STON2: variants seen among roughly 807,000 people sequenced by gnomAD.
STON2 encodes the protein stonin 2.
A neutral mutation model predicts 65.7 loss-of-function variants in STON2; 29 were observed. The observed-to-expected ratio is 0.44, with a 90% CI of 0.33 to 0.60. STON2 has a LOEUF of 0.60. Among genes scored for constraint, STON2 ranks in the 20% least tolerant of loss-of-function variants. The pLI is 0.03. For missense variants in STON2, 1,054 were observed against 1,118.1 expected, an observed-to-expected ratio of 0.94 and a Z score of 0.82; for synonymous variants, 404 against 414.2, an observed-to-expected ratio of 0.98 and a Z score of 0.30.
intron 2 of STON2, among the ~76,000 whole-genome samples, chr14:81,411,144 C>T (rs960661332): frequency 6.6e-5 from 10 of 152,124 alleles, no homozygotes; most frequent in Admixed American, 2.0e-4. Context: ...GGGGTATGTT[C>T]CCTTTCAACA....
chr14:81,304,433 G>A (rs1290306791), intron 5 of STON2, among the ~76,000 whole-genome samples: 2 of 152,118 alleles, frequency 1.3e-5, no homozygotes, highest in African/African-American at 4.8e-5. Context: ...TGTTAGAGAT[G>A]GAATCAGGGC....
intron 4 of STON2, among the ~76,000 whole-genome samples, chr14:81,324,908 G>T (rs1896953727): frequency 6.6e-6 from 1 of 152,192 alleles, no homozygotes; most frequent in African/African-American, 2.4e-5. Flanking sequence ...ATGGAGCGGA[G>T]GGCGACGGAA....
In STON2 at chr14:81,435,057, T is replaced by C. The variant is rs1483058476; in HGVS notation, c.-310+1264A>G. Among the ~76,000 whole-genome samples, 7 of 152,178 alleles carry C rather than the reference T, an allele frequency of 4.6e-5. No homozygotes were observed. The East Asian group carries it at 5.8e-4, about 13-fold the overall frequency. On this transcript the variant is annotated intron_variant, in intron 1 of 8. Transcript: ENST00000553821. ...TCAAATACTTCCCCCAAATCAGCCA[T>C]GCTACTGAAAGGTGAACACTTAACA...
chr14:81,329,711 C>T (rs1897138317), intron 4 of STON2, among the ~76,000 whole-genome samples: 1 of 152,140 alleles, frequency 6.6e-6, no homozygotes, highest in East Asian at 1.9e-4. Flanking sequence ...ATACAGTGAA[C>T]TCAGACCAAA....
At chr14:81,291,355 A>G (rs902195944) in intron 5 of STON2, among the ~76,000 whole-genome samples, 1 of 152,214 alleles carries the variant, frequency 6.6e-6, no homozygotes, top group Non-Finnish European at 1.5e-5. Context: ...ACATAAAGGA[A>G]GTATTAAGTC....
At chr14:81,419,245 A>G (rs1901588316) in intron 2 of STON2, among the ~76,000 whole-genome samples, 1 of 152,218 alleles carries the variant, frequency 6.6e-6, no homozygotes, top group Admixed American at 6.5e-5. Flanking sequence ...TCCTGATATA[A>G]GCTGCTATTA....
chr14:81,348,352 A>G (rs1897897230), intron 4 of STON2, among the ~76,000 whole-genome samples: 1 of 152,168 alleles, frequency 6.6e-6, no homozygotes, highest in Non-Finnish European at 1.5e-5. Flanking sequence ...ATGATCTTAT[A>G]TAGAAAAACC....
Position 81,266,303 on chromosome 14 carries a change from T to G in STON2, c.*2111A>C, listed in dbSNP as rs1434577439. On this transcript the variant is annotated 3_prime_UTR_variant, in exon 8 of 8. Coordinates refer to ENST00000614646, the MANE Select transcript of STON2 (RefSeq NM_001394390.1). ...AGAACAACTCTTATTAGACAATTCT[T>G]CCTTATATTGAAGCAAACATTTGTC... 1.7e-5 allele frequency: 3 copies of G among 172,022 alleles called. No individual in the cohort carries two copies. The highest frequency in any genetic ancestry group is 3.5e-5 in the Non-Finnish European group (3 of 86,118). 10.7% of individuals were successfully genotyped at this position (172,022 alleles called of 1,614,324 possible).
At chr14:81,307,498 A>G (rs571941698) in intron 5 of STON2, among the ~76,000 whole-genome samples, 1 of 152,354 alleles carries the variant, frequency 6.6e-6, no homozygotes, top group East Asian at 1.9e-4. Context: ...CTGGAATCCA[A>G]ATGTCACTGG....
intron 3 of STON2, among the ~76,000 whole-genome samples, chr14:81,383,140 A>T (rs1437167932): frequency 2.6e-5 from 4 of 152,222 alleles, no homozygotes; most frequent in Non-Finnish European, 5.9e-5. Flanking sequence ...AGTGAAGGAA[A>T]GATCAATATC....
chr14:81,429,945 A>G (rs1295934849), intron 1 of STON2, among the ~76,000 whole-genome samples: 4 of 152,074 alleles, frequency 2.6e-5, no homozygotes. Context: ...AAAAAAAAAA[A>G]AAAGAAAAAA....
At chr14:81,435,447 C>A (rs1014237516) in intron 1 of STON2, among the ~76,000 whole-genome samples, 1 of 152,162 alleles carries the variant, frequency 6.6e-6, no homozygotes, top group African/African-American at 2.4e-5. Context: ...ATATAATCCT[C>A]AAAACAACGC....
intron 1 of STON2, among the ~76,000 whole-genome samples, chr14:81,435,547 G>A (rs922497580): frequency 1.3e-5 from 2 of 152,164 alleles, no homozygotes; most frequent in African/African-American, 4.8e-5. Flanking sequence ...GGGGAAACGG[G>A]GAGCGTCGGG....
intron 4 of STON2, among the ~76,000 whole-genome samples, chr14:81,362,715 T>C (rs541337310): frequency 3.9e-5 from 6 of 152,294 alleles, no homozygotes; most frequent in African/African-American, 7.2e-5. Flanking sequence ...CCACATTGTA[T>C]TAAAAAATCA....
chr14:81,328,125 C>T (rs150184141), intron 4 of STON2, among the ~76,000 whole-genome samples: 179 of 152,258 alleles, frequency 1.2e-3, no homozygotes, highest in African/African-American at 3.7e-3. Flanking sequence ...AGTTTCATCG[C>T]TGTCTCCCCC....
rs1595258801 is a variant in STON2 at position 81,264,316 on chromosome 14, C to T, written c.*4098G>A. 3 of 985,440 alleles carry T rather than the reference C, an allele frequency of 3.0e-6. No individual in the cohort carries two copies. The South Asian group carries it at 1.4e-4, about 46-fold the overall frequency. The allele number at this position is 985,440 out of a possible 1,614,324, so 61.0% of individuals were successfully genotyped here. ...GGAAAGCAAAATTATTTAAGTCCTT[C>T]AGGAAATAAAAGCATGCTTGCTGGC... On this transcript the variant is annotated 3_prime_UTR_variant, in exon 8 of 8. Coordinates refer to ENST00000614646, the MANE Select transcript of STON2 (RefSeq NM_001394390.1).
Position 81,433,634 on chromosome 14 carries a change from T to G in STON2, c.-310+2687A>C, listed in dbSNP as rs755715529. Reference sequence around the variant, plus strand: ...TTGACCAACAGCATGAGAGCTGAAGTGATGGCTGCTACTTCTGAGCAGACT... The same window carrying G: ...TTGACCAACAGCATGAGAGCTGAAGGGATGGCTGCTACTTCTGAGCAGACT... On this transcript the variant is annotated intron_variant, in intron 1 of 8. Coordinates refer to the STON2 transcript ENST00000553821. 2.0e-5 allele frequency among the ~76,000 whole-genome samples: 3 copies of G among 152,192 alleles called. No individual in the cohort carries two copies. The South Asian group carries it at 6.2e-4, about 32-fold the overall frequency.
chr14:81,340,772 C>G (rs1355940689), intron 4 of STON2, among the ~76,000 whole-genome samples: 2 of 152,058 alleles, frequency 1.3e-5, no homozygotes, highest in African/African-American at 4.8e-5. Context: ...ATGAACTAGG[C>G]TGAGTCACTG....
intron 5 of STON2, among the ~76,000 whole-genome samples, chr14:81,296,087 C>T (rs921480000): frequency 6.6e-6 from 1 of 152,178 alleles, no homozygotes; most frequent in African/African-American, 2.4e-5. Context: ...ATATTCAAAA[C>T]AGGCAGTGTG....
Sources: gnomAD v4.1 joint callset for allele counts (sites outside exome capture counted in the v4.1 genomes callset) on GRCh38, gnomAD v4.1.1 for gene constraint, MANE v1.5 for transcripts, NCBI Gene and HGNC (gene_info 2026-07-23, HGNC 2026-07-21) for gene names.